Variants in SPECC1 observed in about 807,000 individuals in gnomAD.
SPECC1 encodes the protein cytospin-B.
SPECC1 carries 62 observed loss-of-function variants against 104.1 expected under a neutral mutation model. The ratio of observed to expected loss-of-function variants is 0.60; its 90% CI spans 0.49 to 0.74. SPECC1 has a LOEUF of 0.74. Among genes scored for constraint, SPECC1 ranks in the 30% least tolerant of loss-of-function variants. The pLI, the probability that SPECC1 is intolerant of heterozygous loss-of-function variation, is 0.00. For synonymous variants in SPECC1, 513 were observed against 501.6 expected (o/e 1.02, Z -0.30); for missense variants, 1,306 against 1,310.5 (o/e 1.00, Z 0.05).
At chr17:20,135,594 C>T (rs2049875146) in intron 3 of SPECC1, among the ~76,000 whole-genome samples, 1 of 152,006 alleles carries the variant, frequency 6.6e-6, no homozygotes, top group Non-Finnish European at 1.5e-5. Flanking sequence ...CTGGATGGAC[C>T]ACAGGCATGC....
At chr17:20,219,725 T>G (rs1294000737) in intron 4 of SPECC1, among the ~76,000 whole-genome samples, 2 of 152,256 alleles carry the variant, frequency 1.3e-5, no homozygotes, top group Non-Finnish European at 2.9e-5. Context: ...TCTGTGCTTT[T>G]GGGCTATTAC....
chr17:20,236,939 C>T (rs1434836748), intron 7 of SPECC1: 2 of 1,612,788 alleles, frequency 1.2e-6, no homozygotes. Flanking sequence ...GAGCCGCAGC[C>T]ATCTCTAGAT....
chr17:20,240,523 T>C (rs1380369290), intron 7 of SPECC1, among the ~76,000 whole-genome samples: 1 of 152,190 alleles, frequency 6.6e-6, no homozygotes, highest in Non-Finnish European at 1.5e-5. Context: ...TGCTATTAAA[T>C]GTCTTCATCT....
chr17:20,091,752 T>A (rs1048573624), intron 1 of SPECC1, among the ~76,000 whole-genome samples: 1 of 152,208 alleles, frequency 6.6e-6, no homozygotes, highest in South Asian at 2.1e-4. Flanking sequence ...ACTTGAATGG[T>A]TTGGCCTCTT....
At chr17:20,193,316 C>T (rs1028032575) in intron 3 of SPECC1, among the ~76,000 whole-genome samples, 3 of 152,156 alleles carry the variant, frequency 2.0e-5, no homozygotes, top group Non-Finnish European at 2.9e-5. Flanking sequence ...CATCCTGTGA[C>T]TTAGAATGCC....
chr17:20,299,995 T>C (rs1056577724), intron 13 of SPECC1, among the ~76,000 whole-genome samples: 1 of 152,232 alleles, frequency 6.6e-6, no homozygotes, highest in African/African-American at 2.4e-5. Context: ...CCACACCTGC[T>C]TTTGAGCACT....
rs909322606 is a variant in SPECC1 at position 20,106,624 on chromosome 17, A to G, written c.148-3803A>G. Among the ~76,000 whole-genome samples, 19 of 152,212 alleles carry G rather than the reference A, an allele frequency of 1.2e-4. No individual in the cohort carries two copies. The East Asian group carries it at 3.5e-3, about 28-fold the overall frequency. The stretch of plus-strand genomic sequence containing the variant: ...TCTCAGGAGGTCTGATGGTTTTATA[A>G]AGGGGAGTTCCCCTGCACATGCTCT... On this transcript the variant is annotated intron_variant, in intron 2 of 14. Transcript: ENST00000395527.
chr17:20,174,820 C>T (rs2034353190), intron 3 of SPECC1, among the ~76,000 whole-genome samples: 2 of 152,154 alleles, frequency 1.3e-5, no homozygotes, highest in South Asian at 2.1e-4. Context: ...CTAGACCTGA[C>T]TCATTTTCTT....
chr17:20,051,242 C>T (rs1457568779), intron 1 of SPECC1, among the ~76,000 whole-genome samples: 1 of 151,602 alleles, frequency 6.6e-6, no homozygotes, highest in Non-Finnish European at 1.5e-5. Context: ...GTGGTGCAAT[C>T]TTGGCCCACT....
At chr17:20,058,379 C>T (rs2046047270) in intron 1 of SPECC1, among the ~76,000 whole-genome samples, 1 of 152,100 alleles carries the variant, frequency 6.6e-6, no homozygotes. Context: ...CTTGTAATCC[C>T]AGCACTTTGG....
At chr17:20,220,482 G>C (rs374194097) in intron 4 of SPECC1, among the ~76,000 whole-genome samples, 1 of 151,154 alleles carries the variant, frequency 6.6e-6, no homozygotes, top group Non-Finnish European at 1.5e-5. Flanking sequence ...TTCACTGTTG[G>C]CATATAAAAA....
chr17:20,246,129 T>C, intron 8 of SPECC1, 58 bp downstream of exon 8: 1 of 1,595,382 alleles, frequency 6.3e-7, no homozygotes, highest in Non-Finnish European at 8.5e-7. Flanking sequence ...GCCCGACATT[T>C]GATATGTCTA....
intron 3 of SPECC1, among the ~76,000 whole-genome samples, chr17:20,155,099 C>T (rs1177117235): frequency 6.6e-6 from 1 of 151,910 alleles, no homozygotes; most frequent in East Asian, 1.9e-4. Context: ...AATCAAAGAC[C>T]AAGAGAGTAT....
At chr17:20,200,821 C>T (rs1330161911) in intron 3 of SPECC1, among the ~76,000 whole-genome samples, 1 of 150,154 alleles carries the variant, frequency 6.7e-6, no homozygotes, top group Non-Finnish European at 1.5e-5. Flanking sequence ...AACCTGTGCT[C>T]TGTAACAGTT....
Position 20,101,130 on chromosome 17 carries a change from G to A in SPECC1, c.147+4332G>A, listed in dbSNP as rs1046795027. ...AAATAGTGCTGCAATAAACATACAT[G>A]TGCATGTGTCTTTTTAGTGGAATGA... On this transcript the variant is annotated intron_variant, in intron 2 of 14. Coordinates refer to ENST00000395527, the MANE Select transcript of SPECC1 (RefSeq NM_001243439.2). Among the ~76,000 whole-genome samples, 5 of 152,158 alleles carry A rather than the reference G, an allele frequency of 3.3e-5. No homozygotes were observed. In the East Asian group the frequency reaches 7.7e-4, roughly 23 times the overall value.
intron 2 of SPECC1, among the ~76,000 whole-genome samples, chr17:20,105,340 T>G (rs1395144396): frequency 6.6e-6 from 1 of 152,216 alleles, no homozygotes; most frequent in Non-Finnish European, 1.5e-5. Context: ...AGTGATTGTC[T>G]TGCCTTGGCC....
intron 1 of SPECC1, among the ~76,000 whole-genome samples, chr17:20,022,131 C>T (rs957707269): frequency 1.9e-4 from 29 of 151,220 alleles, no homozygotes; most frequent in Admixed American, 4.6e-4. Flanking sequence ...TCAGTAGAGA[C>T]GGGGTTTCAC....
At chr17:20,099,750 G>A (rs34313348) in intron 2 of SPECC1, among the ~76,000 whole-genome samples, 2 of 132,054 alleles carry the variant, frequency 1.5e-5, no homozygotes, top group Admixed American at 7.7e-5. Context: ...AAGGCCGGAA[G>A]AAGCATAGGA....
chr17:20,217,765 T>C (rs1451872991), intron 4 of SPECC1, among the ~76,000 whole-genome samples: 3 of 152,184 alleles, frequency 2.0e-5, no homozygotes, highest in Non-Finnish European at 4.4e-5. Context: ...AAATTCATCT[T>C]CTGGCCAGGC....
Sources: gnomAD v4.1 joint callset for allele counts (sites outside exome capture counted in the v4.1 genomes callset) on GRCh38, gnomAD v4.1.1 for gene constraint, MANE v1.5 for transcripts, NCBI Gene and HGNC (gene_info 2026-07-23, HGNC 2026-07-21) for gene names.